The following DCUN1D5 variants were observed in gnomAD, a reference collection of about 807,000 sequenced individuals.
DCUN1D5 encodes defective in cullin neddylation 1 domain containing 5.
Under a neutral mutation model 38.3 loss-of-function variants are expected in DCUN1D5, and 10 were observed. The ratio of observed to expected loss-of-function variants is 0.26; its 90% CI spans 0.16 to 0.44. The LOEUF (loss-of-function observed/expected upper bound fraction) is 0.44, where lower values mean the gene tolerates loss of function less well. Ranked by LOEUF, DCUN1D5 falls within the 20% of genes least tolerant of loss-of-function variation. DCUN1D5 has a pLI of 1.00. For synonymous variants in DCUN1D5, 93 were observed against 90.9 expected, an observed-to-expected ratio of 1.02 and a Z score of -0.13; for missense variants, 148 against 275.3, an observed-to-expected ratio of 0.54 and a Z score of 3.27.
At chr11:103,082,722 ATTTG>A (rs748293814) in intron 4 of DCUN1D5, 22 bp downstream of exon 4, 1 of 1,479,986 alleles carries the variant, frequency 6.8e-7, no homozygotes, top group South Asian at 1.2e-5. Context: ...AGGCCATCAA[ATTTG>A]TTTTTTAAAA....
rs956479148 is a variant in DCUN1D5, at chr11:103,078,766, A to T, written c.341+3982T>A. ...TTTCCTTCCTCAAGGTCCTGCTCAC[A>T]ATTTCCCTCTTCTGAAACATTTTCC... On this transcript the variant is annotated intron_variant, in intron 4 of 7. Coordinates refer to ENST00000260247, the MANE Select transcript of DCUN1D5 (RefSeq NM_032299.4). This position sits in a 1 kb window ranked among gnomAD's most constrained non-coding sequence, Gnocchi z 4.6. Among the ~76,000 whole-genome samples, 1 of 152,188 alleles carries T rather than the reference A, an allele frequency of 6.6e-6. No homozygotes were observed. Among genetic ancestry groups the T allele is most frequent in the African/African-American group, 2.4e-5 (1 of 41,446 alleles).
chr11:103,092,119 G>C lies in DCUN1D5; in HGVS notation c.-247C>G. 4.3e-6 allele frequency: 2 copies of C among 467,834 alleles called. No homozygotes were observed. Among genetic ancestry groups the C allele is most frequent in the Non-Finnish European group, 7.6e-6 (2 of 263,614 alleles). 29.0% of individuals were successfully genotyped at this position (467,834 alleles called of 1,614,324 possible). On this transcript the variant is annotated 5_prime_UTR_variant, in exon 1 of 8. In the 5' UTR this introduces an upstream ATG that the reference lacks. Transcript: ENST00000260247. The stretch of plus-strand genomic sequence containing the variant: ...CTGCGGTTCGTTCTCACCGGGAGGA[G>C]ATAACGCGGACAGCGCGGCAGCTCC...
In DCUN1D5 at chr11:103,089,239, A is replaced by G; in HGVS notation, c.166T>C (p.Tyr56His). 1 of 1,613,686 alleles carries G rather than the reference A, an allele frequency of 6.2e-7. No homozygotes were observed. The highest frequency in any genetic ancestry group is 2.2e-5 in the East Asian group (1 of 44,834). The change falls in exon 2 of 8, where the codon TAT becomes CAT. Residue 56 changes from tyrosine (Y) to histidine (H), a missense_variant. By Grantham distance (83) the Tyr-to-His change is moderately conservative. Transcript: ENST00000260247. The part of the protein sequence containing the change: ...FSSKKCLAWF[Y>H]EYAGPDEVVG... ...TTAATTTCATTACCTGCATATTCAT[A>G]AAACCAAGCCAGGCACTTCTTGCTT...
chr11:103,076,171 T>TA (rs1001873748), intron 4 of DCUN1D5, among the ~76,000 whole-genome samples: 2 of 151,964 alleles, frequency 1.3e-5, no homozygotes, highest in African/African-American at 4.8e-5. Context: ...CCATCAGATT[T>TA]AAAAAATCAC....
Position 103,083,618 on chromosome 11 carries a change from T to TA in DCUN1D5, c.179-293dup, listed in dbSNP as rs879471154. On this transcript the variant is annotated intron_variant, in intron 2 of 7. Transcript: ENST00000260247. This position sits in a 1 kb window ranked among gnomAD's most constrained non-coding sequence, Gnocchi z 4.4. ...AGTACAAAAACTCAAACCAATCCAT[T>TA]AAAAAAAAAATTCACTGAGAGCCTA... 1.3e-4 allele frequency among the ~76,000 whole-genome samples: 19 copies of TA among 148,748 alleles called. No homozygotes were observed. The highest frequency in any genetic ancestry group is 2.0e-4 in the Admixed American group (3 of 14,904).
rs1214672435 is a variant in DCUN1D5 at position 103,065,793 on chromosome 11, T to C, written c.555+476A>G. The stretch of plus-strand genomic sequence containing the variant: ...TATACTATTATAGCCATTCTCATAT[T>C]TGTGGCCATAAAATATTAATAGCTT... On this transcript the variant is annotated intron_variant, in intron 6 of 7. Transcript: ENST00000260247. The surrounding 1 kb of genome is among the most constrained non-coding windows in gnomAD (Gnocchi z 4.6). Among the ~76,000 whole-genome samples the C allele has an allele frequency of 6.6e-6, 1 of 152,146 alleles. No individual in the cohort carries two copies. Among genetic ancestry groups the C allele is most frequent in the African/African-American group, 2.4e-5 (1 of 41,434 alleles).
Position 103,083,354 on chromosome 11 carries a change from T to G in DCUN1D5, c.179-28A>C, listed in dbSNP as rs1172529354. 4 of 1,251,896 alleles carry G rather than the reference T, an allele frequency of 3.2e-6. No individual in the cohort carries two copies. The African/African-American group carries it at 6.0e-5, about 19-fold the overall frequency. The allele number at this position is 1,251,896 out of a possible 1,614,324, so 77.5% of individuals were successfully genotyped here. ...TCAAAGACAAAAATAATTAACATAT[T>G]TTGTTATAATATCAACATAAAACAT... On this transcript the variant is annotated intron_variant, in intron 2 of 7. Transcript: ENST00000260247. The surrounding 1 kb of genome is among the most constrained non-coding windows in gnomAD (Gnocchi z 4.4).
Position 103,078,043 on chromosome 11 carries a change from C to T in DCUN1D5, c.341+4705G>A, listed in dbSNP as rs1004324930. ...AAAATCATATAAATGTTCCCTATTC[C>T]CCTCTCGCTAAGACGGTCAAGCCAT... On this transcript the variant is annotated intron_variant, in intron 4 of 7. Coordinates refer to ENST00000260247, the MANE Select transcript of DCUN1D5 (RefSeq NM_032299.4). This position sits in a 1 kb window ranked among gnomAD's most constrained non-coding sequence, Gnocchi z 4.6. 2.6e-5 allele frequency among the ~76,000 whole-genome samples: 4 copies of T among 152,150 alleles called. No individual in the cohort carries two copies. Among genetic ancestry groups the T allele is most frequent in the Non-Finnish European group, 4.4e-5 (3 of 68,034 alleles).
rs1274405686 is a variant in DCUN1D5 at position 103,061,584 on chromosome 11, C to T, written c.*775G>A. On this transcript the variant is annotated 3_prime_UTR_variant, in exon 8 of 8. Transcript: ENST00000260247. Reference sequence around the variant, plus strand: ...TTAATTAAATCCATATCACAGCTAACGTTCTCTTAAGGCAAAAAAAAAAAA... The same window carrying T: ...TTAATTAAATCCATATCACAGCTAATGTTCTCTTAAGGCAAAAAAAAAAAA... Among the ~76,000 whole-genome samples, 6 of 142,690 alleles carry T rather than the reference C, an allele frequency of 4.2e-5. No individual in the cohort carries two copies. The highest frequency in any genetic ancestry group is 7.5e-5 in the Non-Finnish European group (5 of 66,512). The allele number at this position is 142,690 out of a possible 152,430, so 93.6% of individuals were successfully genotyped here.
In DCUN1D5 at chr11:103,091,991, CGCCAGCCCGCACCGGCGCGGCCCA is replaced by C; in HGVS notation, c.-143_-120del. 2 of 940,262 alleles carry C rather than the reference CGCCAGCCCGCACCGGCGCGGCCCA, an allele frequency of 2.1e-6. No individual in the cohort carries two copies. Among genetic ancestry groups the C allele is most frequent in the Non-Finnish European group, 1.5e-6 (1 of 647,256 alleles). 58.2% of individuals were successfully genotyped at this position (940,262 alleles called of 1,614,324 possible). A position where few individuals can be genotyped will look rare whatever the true frequency, so the allele number is the denominator to read the frequency against. On this transcript the variant is annotated 5_prime_UTR_variant, in exon 1 of 8. Transcript: ENST00000260247. The surrounding 1 kb of genome is among the most constrained non-coding windows in gnomAD (Gnocchi z 4.3). ...ACAGCAGCAAGCGGAGGAGCAGAGT[CGCCAGCCCGCACCGGCGCGGCCCA>C]GCCCGGCCGCCGCCCGCTCCCAGGT...
At position 103,083,075 on chromosome 11, in the gene DCUN1D5, G is replaced by T. The variant is rs1246373924; in HGVS notation, c.249+181C>A. Among the ~76,000 whole-genome samples, 3 of 151,890 alleles carry T rather than the reference G, an allele frequency of 2.0e-5. No homozygotes were observed. The highest frequency in any genetic ancestry group is 2.9e-5 in the Non-Finnish European group (2 of 67,856). On this transcript the variant is annotated intron_variant, in intron 3 of 7. Transcript: ENST00000260247. This position sits in a 1 kb window ranked among gnomAD's most constrained non-coding sequence, Gnocchi z 4.4. ...TCTTATTCTATTACATATAACATTTGTATCAAGAAAGAATACATTTGCCCA... is the reference window on the plus strand; with the variant it reads ...TCTTATTCTATTACATATAACATTTTTATCAAGAAAGAATACATTTGCCCA...
chr11:103,092,004 C>T lies in DCUN1D5; in HGVS notation c.-132G>A, dbSNP rs758333816. 6.4e-5 allele frequency: 52 copies of T among 809,024 alleles called. No individual in the cohort carries two copies. The highest frequency in any genetic ancestry group is 8.5e-5 in the Non-Finnish European group (45 of 531,516). The allele number at this position is 809,024 out of a possible 1,614,324, so 50.1% of individuals were successfully genotyped here. On this transcript the variant is annotated 5_prime_UTR_variant, in exon 1 of 8. Coordinates refer to ENST00000260247, the MANE Select transcript of DCUN1D5 (RefSeq NM_032299.4). The stretch of plus-strand genomic sequence containing the variant: ...GAGGAGCAGAGTCGCCAGCCCGCAC[C>T]GGCGCGGCCCAGCCCGGCCGCCGCC...
intron 1 of DCUN1D5, among the ~76,000 whole-genome samples, chr11:103,089,618 G>A (rs2134640143): frequency 6.6e-6 from 1 of 152,156 alleles, no homozygotes; most frequent in East Asian, 1.9e-4. Context: ...TAGTAGGTGG[G>A]AAAGTATAAA....
Position 103,089,283 on chromosome 11 carries a change from C to T in DCUN1D5, c.122G>A (p.Ser41Asn). The change falls in exon 2 of 8, where the codon AGT (serine) becomes AAT (asparagine). Residue 41 changes from serine to asparagine, a missense_variant. Coordinates refer to ENST00000260247, the MANE Select transcript of DCUN1D5 (RefSeq NM_032299.4). Reference sequence around the variant, plus strand: ...CTTGCTTGAAAAATGTTCCTCTCCACTTATTAGTCTAGCAGGGGGTTGGGA... The same window carrying T: ...CTTGCTTGAAAAATGTTCCTCTCCATTTATTAGTCTAGCAGGGGGTTGGGA... ...CRSQPPARLI[S>N]GEEHFSSKKC... 1 of 1,612,220 alleles carries T rather than the reference C, an allele frequency of 6.2e-7. No homozygotes were observed. Among genetic ancestry groups the T allele is most frequent in the Non-Finnish European group, 8.5e-7 (1 of 1,178,700 alleles).
Position 103,064,466 on chromosome 11 carries a change from G to T in DCUN1D5, c.556-89C>A. 6 of 1,031,122 alleles carry T rather than the reference G, an allele frequency of 5.8e-6. No individual in the cohort carries two copies. The South Asian group carries it at 6.0e-5, about 10-fold the overall frequency. 63.9% of individuals were successfully genotyped at this position (1,031,122 alleles called of 1,614,324 possible). On this transcript the variant is annotated intron_variant, in intron 6 of 7. Transcript: ENST00000260247. The surrounding 1 kb of genome is among the most constrained non-coding windows in gnomAD (Gnocchi z 4.5). ...TAAACTAAGTTTTAACTGTTTTTGT[G>T]ATTTGGTTTTTTCTAAAACATTTAC...
At chr11:103,085,539 T>A (rs1455223862) in intron 2 of DCUN1D5, among the ~76,000 whole-genome samples, 1 of 152,246 alleles carries the variant, frequency 6.6e-6, no homozygotes, top group Non-Finnish European at 1.5e-5. Flanking sequence ...GCAAGTCAAA[T>A]GAGATTACAT....
At position 103,091,764 on chromosome 11, in the gene DCUN1D5, T is replaced by C; in HGVS notation, c.86+23A>G. Reference sequence around the variant, plus strand: ...CAGCAAAGGAGGGAGGAGGGAAGCTTGAAGGGTGGGGGGAGATGGTACCTG... The same window carrying C: ...CAGCAAAGGAGGGAGGAGGGAAGCTCGAAGGGTGGGGGGAGATGGTACCTG... On this transcript the variant is annotated intron_variant, in intron 1 of 7. Transcript: ENST00000260247. This position sits in a 1 kb window ranked among gnomAD's most constrained non-coding sequence, Gnocchi z 4.3. The C allele has an allele frequency of 6.2e-7, 1 of 1,613,554 alleles. No individual in the cohort carries two copies. The highest frequency in any genetic ancestry group is 8.5e-7 in the Non-Finnish European group (1 of 1,179,682).
In DCUN1D5 at chr11:103,056,352, C is replaced by G. The variant is rs1209475740; in HGVS notation, c.*6007G>C. ...CACTACAGTCACACTGATCTCTTTA[C>G]TGTTTCTTTACACTCTGTACCAGCT... On this transcript the variant is annotated 3_prime_UTR_variant, in exon 8 of 8. Transcript: ENST00000260247. This position sits in a 1 kb window ranked among gnomAD's most constrained non-coding sequence, Gnocchi z 4.9. 6.6e-6 allele frequency among the ~76,000 whole-genome samples: 1 copy of G among 152,164 alleles called. No individual in the cohort carries two copies. Among genetic ancestry groups the G allele is most frequent in the African/African-American group, 2.4e-5 (1 of 41,428 alleles).
chr11:103,087,803 G>T lies in DCUN1D5; in HGVS notation c.178+1424C>A, dbSNP rs1192731788. Among the ~76,000 whole-genome samples, 2 of 152,072 alleles carry T rather than the reference G, an allele frequency of 1.3e-5. No homozygotes were observed. The highest frequency in any genetic ancestry group is 4.8e-5 in the African/African-American group (2 of 41,410). On this transcript the variant is annotated intron_variant, in intron 2 of 7. Coordinates refer to ENST00000260247, the MANE Select transcript of DCUN1D5 (RefSeq NM_032299.4). The surrounding 1 kb of genome is among the most constrained non-coding windows in gnomAD (Gnocchi z 4.1). ...AATATAGTAAACAAATGTTTAATTA[G>T]AATCTTACACTACCTAGGAAAGTTC... is the stretch of plus-strand genomic sequence containing the variant.
Sources: gnomAD v4.1 joint callset for allele counts (sites outside exome capture counted in the v4.1 genomes callset) on GRCh38, gnomAD v4.1.1 for gene constraint, Gnocchi (gnomAD v3.1) non-coding constraint, MANE v1.5 for transcripts, NCBI Gene and HGNC (gene_info 2026-07-23, HGNC 2026-07-21) for gene names.